Variants in PAPSS1 observed in about 807,000 individuals in gnomAD.
PAPSS1 encodes the protein 3'-phosphoadenosine 5'-phosphosulfate synthase 1.
A neutral mutation model predicts 72.0 loss-of-function variants in PAPSS1; 50 were observed. The ratio of observed to expected loss-of-function variants is 0.69; its 90% CI spans 0.55 to 0.88. PAPSS1 has a LOEUF of 0.88. Ranked by LOEUF, PAPSS1 falls within the 40% of genes least tolerant of loss-of-function variation. PAPSS1 has a pLI of 0.00. For missense variants in PAPSS1, 657 were observed against 782.2 expected (o/e 0.84, Z 1.91); for synonymous variants, 261 against 263.6 (o/e 0.99, Z 0.09).
intron 5 of PAPSS1, among the ~76,000 whole-genome samples, chr4:107,663,970 T>C (rs981467426): frequency 1.1e-4 from 16 of 152,192 alleles, no homozygotes; most frequent in Non-Finnish European, 2.1e-4. Context: ...AATGCGTTGG[T>C]AAGGTTCTAG....
chr4:107,687,165 C>A lies in PAPSS1; in HGVS notation c.424G>T (p.Ala142Ser). The change falls in exon 4 of 12, where the codon GCA becomes TCA. Residue 142 changes from alanine to serine, a missense_variant. By Grantham distance (99) the Ala-to-Ser change is moderately conservative. Around this residue, in one of 7 missense-constraint regions of PAPSS1, gnomAD observed 119 missense variants for 171.1 expected, o/e 0.70. Coordinates refer to ENST00000265174, the MANE Select transcript of PAPSS1 (RefSeq NM_005443.5). ...CTTGCACCTTCATGAATTTGCCTTG[C>A]ATTGTTGCGATCCTTAAAAAAAAAT... ...ISPYTQDRNN[A>S]RQIHEGASLP... The A allele has an allele frequency of 6.4e-7, 1 of 1,574,390 alleles. No individual in the cohort carries two copies. The highest frequency in any genetic ancestry group is 8.6e-7 in the Non-Finnish European group (1 of 1,167,270).
chr4:107,668,832 G>A (rs938987004), intron 5 of PAPSS1, among the ~76,000 whole-genome samples: 6 of 151,942 alleles, frequency 3.9e-5, no homozygotes, highest in Non-Finnish European at 8.8e-5. Flanking sequence ...TATTCCATTA[G>A]TTCTGTCCCT....
intron 6 of PAPSS1, among the ~76,000 whole-genome samples, chr4:107,658,099 A>T (rs1283318314): frequency 3.9e-5 from 6 of 152,100 alleles, no homozygotes; most frequent in African/African-American, 1.4e-4. Context: ...AAGACACAGG[A>T]ATCACCCCAC....
intron 2 of PAPSS1, among the ~76,000 whole-genome samples, chr4:107,696,267 C>A (rs142762827): frequency 6.6e-6 from 1 of 152,094 alleles, no homozygotes; most frequent in African/African-American, 2.4e-5. Flanking sequence ...TAAAGATACA[C>A]GCACATGTAT....
intron 4 of PAPSS1, among the ~76,000 whole-genome samples, chr4:107,686,657 C>T (rs1443978093): frequency 6.6e-6 from 1 of 152,212 alleles, no homozygotes; most frequent in Non-Finnish European, 1.5e-5. Context: ...CATCAAGATG[C>T]TTATAATTCA....
At chr4:107,696,123 G>A (rs1243371011) in intron 2 of PAPSS1, among the ~76,000 whole-genome samples, 1 of 152,140 alleles carries the variant, frequency 6.6e-6, no homozygotes, top group Non-Finnish European at 1.5e-5. Context: ...ACTGTTGGTA[G>A]GAAATGTAAA....
intron 11 of PAPSS1, among the ~76,000 whole-genome samples, chr4:107,631,114 A>T (rs1726215513): frequency 6.6e-6 from 1 of 152,192 alleles, no homozygotes; most frequent in Admixed American, 6.5e-5. Context: ...TCCCATCCCC[A>T]AGGTACCTCA....
At chr4:107,646,832 G>A (rs532167340) in intron 9 of PAPSS1, among the ~76,000 whole-genome samples, 6 of 152,136 alleles carry the variant, frequency 3.9e-5, no homozygotes, top group Non-Finnish European at 7.4e-5. Context: ...CTGCCTCTAA[G>A]TGCTCCACAG....
intron 1 of PAPSS1, among the ~76,000 whole-genome samples, chr4:107,714,734 C>T (rs1294252208): frequency 6.6e-6 from 1 of 152,058 alleles, no homozygotes; most frequent in Admixed American, 6.5e-5. Context: ...AAATTGTCTC[C>T]AGAATTGCCA....
intron 5 of PAPSS1, among the ~76,000 whole-genome samples, chr4:107,675,913 A>C (rs1256800895): frequency 6.6e-6 from 1 of 152,238 alleles, no homozygotes; most frequent in East Asian, 1.9e-4. Flanking sequence ...CCAGCATATA[A>C]ACAGAACCAA....
Position 107,701,139 on chromosome 4 carries a change from A to C in PAPSS1, c.175+32T>G, listed in dbSNP as rs149613424. 5.4e-6 allele frequency: 8 copies of C among 1,477,994 alleles called. No homozygotes were observed. In the African/African-American group the frequency reaches 8.3e-5, roughly 15 times the overall value. 91.6% of individuals were successfully genotyped at this position (1,477,994 alleles called of 1,614,324 possible). On this transcript the variant is annotated intron_variant, in intron 2 of 11. Coordinates refer to ENST00000265174, the MANE Select transcript of PAPSS1 (RefSeq NM_005443.5). The stretch of plus-strand genomic sequence containing the variant: ...AAGGTTACCTATATGCACTGCTTTT[A>C]AAATAAACTGCTTTCTCTCTCTTGA...
chr4:107,687,190 T>C lies in PAPSS1; in HGVS notation c.412-13A>G. On this transcript the variant is annotated splice_polypyrimidine_tract_variant and intron_variant, in intron 3 of 11. Transcript: ENST00000265174. ...CATTGTTGCGATCCTTAAAAAAAAATAAAATAAAAAGTGATCACACAAATC... is the reference window on the plus strand; with the variant it reads ...CATTGTTGCGATCCTTAAAAAAAAACAAAATAAAAAGTGATCACACAAATC... 1.3e-6 allele frequency: 2 copies of C among 1,533,728 alleles called. No homozygotes were observed. The highest frequency in any genetic ancestry group is 1.7e-6 in the Non-Finnish European group (2 of 1,147,754).
chr4:107,653,626 T>C lies in PAPSS1; in HGVS notation c.1102A>G (p.Met368Val). 1.2e-6 allele frequency: 2 copies of C among 1,605,704 alleles called. No individual in the cohort carries two copies. The highest frequency in any genetic ancestry group is 1.1e-5 in the South Asian group (1 of 88,572). The part of the protein sequence containing the change: ...TTCKNHPYIK[M>V]VMEQGDWLIG... ...AGCCAATCTCCTTGTTCCATCACCA[T>C]CTAATAGGAAAAACAAATTTTTTTA... The change falls in exon 9 of 12, where the codon ATG becomes GTG. Residue 368 changes from methionine to valine, a missense_variant and splice_region_variant. Met to Val is a conservative substitution (Grantham distance 21, BLOSUM62 1). This residue lies in a region of PAPSS1 where 190 missense variants were observed against 176.7 expected (regional missense o/e 1.07). Transcript: ENST00000265174.
chr4:107,720,130 G>C lies in PAPSS1; in HGVS notation c.50C>G (p.Ala17Gly), dbSNP rs767177198. Residue 17 changes from alanine to glycine, a missense_variant, in exon 1 of 12, where the codon GCG becomes GGG. Transcript: ENST00000265174. ...LCKKVKLSNN[A>G]QNWGMQRATN... ...TCGTCCCCAGCTTACCCAGTTCTGC[G>C]CGTTATTGCTCAGTTTGACTTTCTT... 2.5e-6 allele frequency: 4 copies of C among 1,606,554 alleles called. No individual in the cohort carries two copies. Among genetic ancestry groups the C allele is most frequent in the Non-Finnish European group, 3.4e-6 (4 of 1,176,784 alleles).
At chr4:107,712,412 G>A (rs1303701017) in intron 1 of PAPSS1, among the ~76,000 whole-genome samples, 1 of 152,200 alleles carries the variant, frequency 6.6e-6, no homozygotes, top group African/African-American at 2.4e-5. Context: ...ACATACAAGG[G>A]AGGTTCAGAG....
intron 1 of PAPSS1, among the ~76,000 whole-genome samples, chr4:107,707,795 T>C (rs555663375): frequency 6.6e-6 from 1 of 152,366 alleles, no homozygotes; most frequent in South Asian, 2.1e-4. Context: ...TTTATGTTTC[T>C]GTGTGAAGAC....
intron 10 of PAPSS1, among the ~76,000 whole-genome samples, chr4:107,639,605 C>T (rs1205506992): frequency 1.3e-5 from 2 of 152,154 alleles, no homozygotes; most frequent in African/African-American, 4.8e-5. Context: ...CTGTGTCATA[C>T]TACTCAATAA....
intron 10 of PAPSS1, among the ~76,000 whole-genome samples, chr4:107,639,623 A>G (rs1276478712): frequency 1.3e-5 from 2 of 152,228 alleles, no homozygotes; most frequent in African/African-American, 4.8e-5. Context: ...TAAACTTTGG[A>G]ACAAGATAAA....
intron 5 of PAPSS1, among the ~76,000 whole-genome samples, chr4:107,678,850 A>C (rs767929221): frequency 6.6e-6 from 1 of 152,138 alleles, no homozygotes. Flanking sequence ...GCCTTAAGCT[A>C]ATGAAAAAGG....
Sources: gnomAD v4.1 joint callset for allele counts (sites outside exome capture counted in the v4.1 genomes callset) on GRCh38, gnomAD v4.1.1 for gene constraint, gnomAD v4.1.1 regional missense constraint, MANE v1.5 for transcripts, NCBI Gene and HGNC (gene_info 2026-07-23, HGNC 2026-07-21) for gene names.